TGM7: variants seen among roughly 807,000 people sequenced by gnomAD.
TGM7 encodes the protein transglutaminase 7, also known as protein-glutamine gamma-glutamyltransferase Z.
A neutral mutation model predicts 79.5 loss-of-function variants in TGM7; 74 were observed. That is an observed-to-expected ratio of 0.93 (90% CI 0.77 to 1.13). The LOEUF (loss-of-function observed/expected upper bound fraction) is 1.13. Ranked by LOEUF, TGM7 falls within the 50% of genes most tolerant of loss-of-function variation. The pLI is 0.00. For synonymous variants in TGM7, 354 were observed against 362.5 expected (o/e 0.98, Z 0.27); for missense variants, 912 against 905.9 (o/e 1.01, Z -0.09).
chr15:43,292,123 G>C, intron 3 of TGM7, 26 bp from the exon 4 acceptor site: 1 of 1,541,576 alleles, frequency 6.5e-7, no homozygotes, highest in East Asian at 2.3e-5. Flanking sequence ...TAGTGGAGGG[G>C]GCAAAACCCC....
chr15:43,279,167 T>C lies in TGM7; in HGVS notation c.1789A>G (p.Met597Val). 2 of 1,614,144 alleles carry C rather than the reference T, an allele frequency of 1.2e-6. No homozygotes were observed. Among genetic ancestry groups the C allele is most frequent in the Non-Finnish European group, 1.7e-6 (2 of 1,180,016 alleles). ...AGACAGATATCTTTTAGGACCAGCATGGACCTCCCTGTCTCTTCAACCTCC... is the reference window on the plus strand; with the variant it reads ...AGACAGATATCTTTTAGGACCAGCACGGACCTCCCTGTCTCTTCAACCTCC... Reference protein sequence around the residue: ...IAEVEETGRSMLVLKDICLEP... With the variant: ...IAEVEETGRSVLVLKDICLEP... The change falls in exon 11 of 13, where the codon ATG becomes GTG. Residue 597 changes from methionine (M) to valine (V), a missense_variant. By Grantham distance (21) the Met-to-Val change is conservative. Coordinates refer to ENST00000452443, the MANE Select transcript of TGM7 (RefSeq NM_052955.3).
chr15:43,281,376 T>G (rs536286648), intron 9 of TGM7, among the ~76,000 whole-genome samples: 2 of 152,206 alleles, frequency 1.3e-5, no homozygotes, highest in African/African-American at 4.8e-5. Context: ...CCCCTTGCCA[T>G]GGACATAGGG....
intron 11 of TGM7, among the ~76,000 whole-genome samples, chr15:43,277,459 G>A (rs548910924): frequency 2.6e-4 from 39 of 152,342 alleles, no homozygotes; most frequent in African/African-American, 8.7e-4. Context: ...CATCACCGAG[G>A]AAACAGTGAG....
At chr15:43,298,630 G>A (rs1398619372) in intron 1 of TGM7, among the ~76,000 whole-genome samples, 1 of 152,090 alleles carries the variant, frequency 6.6e-6, no homozygotes, top group Non-Finnish European at 1.5e-5. Context: ...GTGGGTGCCT[G>A]TAGTCCCAGC....
chr15:43,289,623 C>T (rs1325513365), intron 4 of TGM7, among the ~76,000 whole-genome samples: 1 of 151,968 alleles, frequency 6.6e-6, no homozygotes, highest in Non-Finnish European at 1.5e-5. Flanking sequence ...GTTCTAAATC[C>T]CTGAGGAATT....
intron 1 of TGM7, among the ~76,000 whole-genome samples, chr15:43,296,690 C>A (rs28594657): frequency 0.12 from 18,728 of 151,998 alleles, 1,236 homozygotes; most frequent in East Asian, 0.17. Flanking sequence ...TAGGGACAGC[C>A]AACTCAATTT....
chr15:43,292,858 T>A lies in TGM7; in HGVS notation c.290A>T (p.Asp97Val). The A allele has an allele frequency of 6.2e-7, 1 of 1,613,754 alleles. No homozygotes were observed. Among genetic ancestry groups the A allele is most frequent in the Non-Finnish European group, 8.5e-7 (1 of 1,179,984 alleles). Residue 97 changes from aspartate to valine, a missense_variant, in exon 3 of 13, where the codon GAC (aspartate) becomes GTC (valine). Physicochemically the swap from Asp to Val is radical, Grantham distance 152. Transcript: ENST00000452443. ...NVWSASDFTI[D>V]SNSLQVSLFT... Reference sequence around the variant, plus strand: ...AAGGGAAACTTGGAGAGAGTTGGAGTCAATGGTGAAATCAGAAGCGCTCCA... The same window carrying A: ...AAGGGAAACTTGGAGAGAGTTGGAGACAATGGTGAAATCAGAAGCGCTCCA...
chr15:43,281,813 GC>G (rs1317582434), intron 9 of TGM7, 30 bp downstream of exon 9: 1 of 1,608,658 alleles, frequency 6.2e-7, no homozygotes, highest in African/African-American at 1.3e-5. Context: ...GAAGCTTAAA[GC>G]AGCCCTTTCC....
intron 4 of TGM7, among the ~76,000 whole-genome samples, chr15:43,288,210 C>A (rs1195352672): frequency 6.6e-6 from 1 of 152,216 alleles, no homozygotes; most frequent in Non-Finnish European, 1.5e-5. Context: ...TCATAATAGA[C>A]GTGCACAATG....
chr15:43,282,515 A>AGG lies in TGM7; in HGVS notation c.1108+1_1108+2insCC. The AGG allele has an allele frequency of 6.3e-7, 1 of 1,581,380 alleles. No homozygotes were observed. On this transcript the variant is annotated splice_donor_variant, in intron 8 of 12. Transcript: ENST00000452443. LOFTEE classifies it high-confidence loss of function. ...GAGCCTGTTGCAATGGTCCTCACTC[A>AGG]CCACTGCTGGTCTGCTGGGGAGTGG...
chr15:43,298,749 C>A (rs1218784404), intron 1 of TGM7, among the ~76,000 whole-genome samples: 1 of 151,928 alleles, frequency 6.6e-6, no homozygotes, highest in African/African-American at 2.4e-5. Context: ...GAGACTCCAT[C>A]TCAAATAAAT....
intron 1 of TGM7, among the ~76,000 whole-genome samples, chr15:43,301,057 A>G (rs1265554285): frequency 6.6e-6 from 1 of 152,000 alleles, no homozygotes; most frequent in Non-Finnish European, 1.5e-5. Flanking sequence ...TCTCAGCTCA[A>G]TGCAGCTTTG....
At chr15:43,292,665 C>A in intron 3 of TGM7, 44 bp downstream of exon 3, 1 of 1,604,364 alleles carries the variant, frequency 6.2e-7, no homozygotes, top group Non-Finnish European at 8.5e-7. Context: ...ACAGGGCCTT[C>A]CCAATGGATC....
chr15:43,285,992 TC>T (rs1442493571), intron 6 of TGM7, among the ~76,000 whole-genome samples: 1 of 151,922 alleles, frequency 6.6e-6, no homozygotes, highest in African/African-American at 2.4e-5. Flanking sequence ...TCCCACTATC[TC>T]CCTCCTAGGA....
intron 4 of TGM7, among the ~76,000 whole-genome samples, chr15:43,289,907 GGTT>G (rs1357465045): frequency 6.6e-6 from 1 of 152,020 alleles, no homozygotes; most frequent in East Asian, 1.9e-4. Context: ...TTTTTGATGG[GGTT>G]GTTTGTTTTT....
At position 43,287,305 on chromosome 15, in the gene TGM7, C is replaced by T. The variant is rs1229850822; in HGVS notation, c.840G>A (p.Trp280Ter). 1.2e-6 allele frequency: 2 copies of T among 1,613,686 alleles called. No individual in the cohort carries two copies. The highest frequency in any genetic ancestry group is 2.2e-5 in the East Asian group (1 of 44,882). ...GGQPVKYGQCWVFASVMCTVM... is the reference protein window; with the variant it reads ...GGQPVKYGQC ...CGGTGCACATAACAGAGGCGAAGAC[C>T]CAGCACTGTCCGTACTTCACAGGCT... Residue 280 changes from tryptophan to a stop codon, truncating the protein, a stop_gained, in exon 6 of 13, where the codon TGG becomes TGA. Transcript: ENST00000452443. LOFTEE classifies it high-confidence loss of function.
chr15:43,283,422 G>A (rs1411954254), intron 7 of TGM7, among the ~76,000 whole-genome samples: 1 of 152,028 alleles, frequency 6.6e-6, no homozygotes, highest in African/African-American at 2.4e-5. Context: ...CAGTTCCTTC[G>A]CCTTTCTTTC....
At position 43,292,047 on chromosome 15, in the gene TGM7, G is replaced by A. The variant is rs139724216; in HGVS notation, c.490C>T (p.Arg164Ter). The A allele has an allele frequency of 3.9e-5, 63 of 1,613,796 alleles. No homozygotes were observed. Among genetic ancestry groups the A allele is most frequent in the African/African-American group, 5.3e-5 (4 of 74,868 alleles). ...SEILLQEYIM[R>*]DYGFVYKGHE... ...CCCTTGTAAACAAAGCCATAATCTC[G>A]CATGATATACTCCTGCAGCAGTATT... Residue 164 changes from arginine (R) to a stop codon, truncating the protein, a stop_gained, in exon 4 of 13, where the codon CGA becomes TGA. Transcript: ENST00000452443. LOFTEE classifies it high-confidence loss of function.
At chr15:43,293,303 G>A (rs2042973056) in intron 2 of TGM7, 146 bp downstream of exon 2, 4 of 1,091,598 alleles carry the variant, frequency 3.7e-6, no homozygotes, top group Middle Eastern at 3.0e-4. Context: ...AGCACTAACA[G>A]GGTCCTGAGC....
Sources: allele counts gnomAD v4.1 joint callset (sites outside exome capture counted in the v4.1 genomes callset), GRCh38; gene constraint gnomAD v4.1.1; transcripts MANE v1.5; gene names NCBI Gene and HGNC (gene_info 2026-07-23, HGNC 2026-07-21).